Variants in TLCD4 observed in about 807,000 individuals in gnomAD.
The protein encoded by TLCD4 is TLC domain-containing protein 4.
In TLCD4, 7 loss-of-function variants were observed where a neutral mutation model predicts 24.2. The ratio of observed to expected loss-of-function variants is 0.29; its 90% CI spans 0.16 to 0.54. The LOEUF is 0.54. Ranked by LOEUF, TLCD4 falls within the 20% of genes least tolerant of loss-of-function variation. The pLI is 0.95. For missense variants in TLCD4, 259 were observed against 313.9 expected, an observed-to-expected ratio of 0.82 and a Z score of 1.32; for synonymous variants, 103 against 106.4, an observed-to-expected ratio of 0.97 and a Z score of 0.20.
chr1:95,160,138 G>A (rs938589223), intron 5 of TLCD4, among the ~76,000 whole-genome samples: 3 of 152,198 alleles, frequency 2.0e-5, no homozygotes, highest in Non-Finnish European at 4.4e-5. Context: ...CTACACATGA[G>A]CATGGAATGC....
chr1:95,190,920 G>T (rs1679007475), intron 6 of TLCD4, among the ~76,000 whole-genome samples: 1 of 152,122 alleles, frequency 6.6e-6, no homozygotes, highest in Non-Finnish European at 1.5e-5. Context: ...TTTTCCTAGT[G>T]TGTGGTTGTC....
intron 2 of TLCD4, among the ~76,000 whole-genome samples, chr1:95,148,324 T>C (rs373144951): frequency 5.4e-4 from 82 of 152,360 alleles, no homozygotes; most frequent in Non-Finnish European, 1.0e-3. Flanking sequence ...CCTGCATTGA[T>C]GCTGTTGGGG....
intron 5 of TLCD4, among the ~76,000 whole-genome samples, chr1:95,173,230 A>G (rs1571771071): frequency 6.6e-6 from 1 of 152,036 alleles, no homozygotes; most frequent in South Asian, 2.1e-4. Context: ...CCAGTTAGTA[A>G]TGGATATAAA....
chr1:95,126,636 G>A (rs1393258159), intron 1 of TLCD4, among the ~76,000 whole-genome samples: 1 of 152,132 alleles, frequency 6.6e-6, no homozygotes. Flanking sequence ...GGGTTAGCTG[G>A]GCTGAAGGAT....
intron 1 of TLCD4, among the ~76,000 whole-genome samples, chr1:95,126,566 G>T (rs140998236): frequency 4.2e-4 from 64 of 152,280 alleles, no homozygotes; most frequent in African/African-American, 1.4e-3. Flanking sequence ...GATTCTGTGG[G>T]TTGGCTAGGT....
At chr1:95,115,070 G>GATATATATATATACACATT (rs1557673658), upstream of TLCD4, among the ~76,000 whole-genome samples, 1 of 111,322 alleles carries the variant, frequency 9.0e-6, no homozygotes, top group African/African-American at 2.9e-5. Context: ...TAATGAACTG[G>GATATATATATATACACATT]ATATATATAT....
At chr1:95,158,261 C>T (rs1395029468) in intron 5 of TLCD4, among the ~76,000 whole-genome samples, 4 of 148,188 alleles carry the variant, frequency 2.7e-5, no homozygotes, top group Non-Finnish European at 5.9e-5. Context: ...TGTCAGGGCT[C>T]ACTGCAGCCT....
At chr1:95,188,956 GC>G (rs1678931288) in intron 6 of TLCD4, among the ~76,000 whole-genome samples, 1 of 152,116 alleles carries the variant, frequency 6.6e-6, no homozygotes, top group Non-Finnish European at 1.5e-5. Flanking sequence ...CTGGAAATAT[GC>G]TGACCTGTGT....
chr1:95,179,129 C>T (rs577889358), intron 6 of TLCD4, among the ~76,000 whole-genome samples: 2 of 152,158 alleles, frequency 1.3e-5, no homozygotes, highest in Non-Finnish European at 2.9e-5. Flanking sequence ...AACCACAAGC[C>T]ACATATGAAT....
At chr1:95,135,865 T>C (rs1290833901) in intron 1 of TLCD4, among the ~76,000 whole-genome samples, 1 of 151,966 alleles carries the variant, frequency 6.6e-6, no homozygotes, top group African/African-American at 2.4e-5. Flanking sequence ...ATTACAGGTG[T>C]GCACCACCAC....
chr1:95,145,964 C>CA (rs1553169679), intron 2 of TLCD4, among the ~76,000 whole-genome samples: 4 of 152,048 alleles, frequency 2.6e-5, no homozygotes, highest in African/African-American at 9.7e-5. Context: ...CTCACTCCAG[C>CA]TTTTTTTACA....
chr1:95,192,358 T>C lies in TLCD4; in HGVS notation c.*490T>C, dbSNP rs2101030628. On this transcript the variant is annotated 3_prime_UTR_variant, in exon 7 of 7. Transcript: ENST00000370203. Reference sequence around the variant, plus strand: ...TTTAGTTTTCATCCCAAGATGTCTTTTCTGCCTTTCTTTTGCCTTATTTAC... The same window carrying C: ...TTTAGTTTTCATCCCAAGATGTCTTCTCTGCCTTTCTTTTGCCTTATTTAC... The C allele has an allele frequency of 6.5e-6, 1 of 152,818 alleles. No individual in the cohort carries two copies. Among genetic ancestry groups the C allele is most frequent in the African/African-American group, 2.4e-5 (1 of 41,572 alleles). 9.5% of individuals were successfully genotyped at this position (152,818 alleles called of 1,614,324 possible). A position where few individuals can be genotyped will look rare whatever the true frequency, so the allele number is the denominator to read the frequency against.
rs1012911995 is a variant in TLCD4, at chr1:95,195,198, C to G, written c.*3330C>G. The G allele has an allele frequency of 3.3e-5, 5 of 152,140 alleles. No individual in the cohort carries two copies. The highest frequency in any genetic ancestry group is 7.4e-5 in the Non-Finnish European group (5 of 68,004). The allele number at this position is 152,140 out of a possible 1,614,324, so 9.4% of individuals were successfully genotyped here. ...TATATTTCCTCTGAGGCACACTGGG[C>G]ATTTGGAGAATGGTTCTTCACTGGT... is the stretch of plus-strand genomic sequence containing the variant. On this transcript the variant is annotated 3_prime_UTR_variant, in exon 7 of 7. Transcript: ENST00000370203.
intron 1 of TLCD4, among the ~76,000 whole-genome samples, chr1:95,132,574 T>C (rs1351864445): frequency 6.6e-6 from 1 of 151,894 alleles, no homozygotes; most frequent in East Asian, 1.9e-4. Flanking sequence ...GGACCAAGTG[T>C]AGGGGTCAGG....
At chr1:95,182,367 C>A (rs933853679) in intron 6 of TLCD4, among the ~76,000 whole-genome samples, 1 of 151,652 alleles carries the variant, frequency 6.6e-6, no homozygotes, top group Non-Finnish European at 1.5e-5. Context: ...TCAAGAAAAC[C>A]ATTTTACTTT....
intron 1 of TLCD4, among the ~76,000 whole-genome samples, chr1:95,126,799 A>G (rs1676749004): frequency 6.6e-6 from 1 of 152,122 alleles, no homozygotes; most frequent in Non-Finnish European, 1.5e-5. Context: ...TTTCCAAGAT[A>G]GTGTTTTTTA....
chr1:95,105,983 T>C, the TLCD4 span, among the ~76,000 whole-genome samples: 1 of 151,948 alleles, frequency 6.6e-6, no homozygotes, highest in Non-Finnish European at 1.5e-5. Context: ...AGGCAGTTGT[T>C]CTAATGCAGA....
chr1:95,166,222 G>A (rs1678014486), intron 5 of TLCD4, among the ~76,000 whole-genome samples: 1 of 152,072 alleles, frequency 6.6e-6, no homozygotes, highest in African/African-American at 2.4e-5. Context: ...TTGTGGGTGG[G>A]ATTTAAAAAT....
chr1:95,146,867 C>A (rs1571743205), intron 2 of TLCD4, among the ~76,000 whole-genome samples: 1 of 152,004 alleles, frequency 6.6e-6, no homozygotes, highest in East Asian at 1.9e-4. Context: ...CATAACATCT[C>A]AAAAGAGAAG....
Sources: gnomAD v4.1 joint callset for allele counts (sites outside exome capture counted in the v4.1 genomes callset) on GRCh38, gnomAD v4.1.1 for gene constraint, MANE v1.5 for transcripts, NCBI Gene and HGNC (gene_info 2026-07-23, HGNC 2026-07-21) for gene names.